SPAG5: variants seen among roughly 807,000 people sequenced by gnomAD.
The protein encoded by SPAG5 is sperm-associated antigen 5.
SPAG5 carries 99 observed loss-of-function variants against 145.4 expected under a neutral mutation model. The ratio of observed to expected loss-of-function variants is 0.68; its 90% CI spans 0.58 to 0.80. The LOEUF is 0.80. Ranked by LOEUF, SPAG5 falls within the 30% of genes least tolerant of loss-of-function variation. The pLI, the probability that SPAG5 is intolerant of heterozygous loss-of-function variation, is 0.00. For synonymous variants in SPAG5, 477 were observed against 525.4 expected (o/e 0.91, Z 1.26); for missense variants, 1,192 against 1,416.0 (o/e 0.84, Z 2.54).
chr17:28,586,470 C>T lies in SPAG5; in HGVS notation c.1467G>A (p.Glu489=), dbSNP rs572929447. ...GITNKLQHLK[E]SHEMGQALQQ... ...GTAGGGCCTGTCCCATCTCATGGCT[C>T]TCCTTAAGATGCTGAAGTTTATTAG... The change falls in exon 5 of 24, where the codon GAG becomes GAA. Residue 489 remains glutamate, a synonymous_variant. Transcript: ENST00000321765. 5.0e-6 allele frequency: 8 copies of T among 1,613,902 alleles called. No homozygotes were observed. In the African/African-American group the frequency reaches 1.1e-4, roughly 22 times the overall value.
At position 28,584,412 on chromosome 17, in the gene SPAG5, T is replaced by G; in HGVS notation, c.2230A>C (p.Thr744Pro). The part of the protein sequence containing the change: ...SQLKELQSQH[T>P]HCAQDLAMKD... Reference sequence around the variant, plus strand: ...ATAGCCAGGTCCTGGGCACAATGGGTATGCTGACTCTGTAGCTCTTTTAGC... The same window carrying G: ...ATAGCCAGGTCCTGGGCACAATGGGGATGCTGACTCTGTAGCTCTTTTAGC... Residue 744 changes from threonine to proline, a missense_variant, in exon 12 of 24, where the codon ACC (threonine) becomes CCC (proline). By Grantham distance (38) the Thr-to-Pro change is conservative. Around this residue, in one of 5 missense-constraint regions of SPAG5, gnomAD observed 709 missense variants for 840.7 expected, o/e 0.84. Coordinates refer to ENST00000321765, the MANE Select transcript of SPAG5 (RefSeq NM_006461.4). The G allele has an allele frequency of 6.2e-7, 1 of 1,614,152 alleles. No individual in the cohort carries two copies.
intron 15 of SPAG5, among the ~76,000 whole-genome samples, chr17:28,580,984 T>C (rs1344608478): frequency 6.6e-6 from 1 of 152,196 alleles, no homozygotes; most frequent in Admixed American, 6.5e-5. Context: ...GAGTTCACCA[T>C]TTTCCCTGTG....
In SPAG5 at chr17:28,586,460, T is replaced by C. The variant is rs138410161; in HGVS notation, c.1477A>G (p.Met493Val). The change falls in exon 5 of 24, where the codon ATG becomes GTG. Residue 493 changes from methionine (M) to valine (V), a missense_variant. Met to Val is a conservative substitution (Grantham distance 21, BLOSUM62 1). Around this residue, in one of 5 missense-constraint regions of SPAG5, gnomAD observed 709 missense variants for 840.7 expected, o/e 0.84. Coordinates refer to ENST00000321765, the MANE Select transcript of SPAG5 (RefSeq NM_006461.4). ...KLQHLKESHEMGQALQQARNV... is the reference protein window; with the variant it reads ...KLQHLKESHEVGQALQQARNV... ...CTGGCCTGCTGTAGGGCCTGTCCCATCTCATGGCTCTCCTTAAGATGCTGA... is the reference window on the plus strand; with the variant it reads ...CTGGCCTGCTGTAGGGCCTGTCCCACCTCATGGCTCTCCTTAAGATGCTGA... 5.7e-5 allele frequency: 92 copies of C among 1,614,006 alleles called. No individual in the cohort carries two copies. The African/African-American group carries it at 1.2e-3, about 21-fold the overall frequency.
chr17:28,598,793 C>T, intron 1 of SPAG5, 103 bp downstream of exon 1: 2 of 1,530,134 alleles, frequency 1.3e-6, no homozygotes, highest in Non-Finnish European at 1.8e-6. Flanking sequence ...TCCACAAGCC[C>T]CCAACCCCGG....
intron 15 of SPAG5, 82 bp from the exon 16 acceptor site, chr17:28,580,202 C>A: frequency 1.2e-6 from 1 of 816,282 alleles, no homozygotes; most frequent in Non-Finnish European, 1.9e-6. Flanking sequence ...CCATCTCCTC[C>A]AAAATGCTGT....
chr17:28,580,393 AGAAAG>A (rs1020884291), intron 15 of SPAG5: 9 of 204,694 alleles, frequency 4.4e-5, no homozygotes, highest in African/African-American at 1.4e-4. Context: ...TTTTCTAGAA[AGAAAG>A]GAAAGAAAGA....
rs1407999187 is a variant in SPAG5, at chr17:28,578,679, T to C, written c.3191A>G (p.Glu1064Gly). ...GCATGATGGTGAACATACTATGAGC[T>C]CGCCACTCTTGTCTATCTGTTCTAG... ...KILEQIDKSGELISLREEVTH... is the reference protein window; with the variant it reads ...KILEQIDKSGGLISLREEVTH... The change falls in exon 20 of 24, where the codon GAG becomes GGG. Residue 1064 changes from glutamate (E) to glycine (G), a missense_variant. Physicochemically the swap from Glu to Gly is moderately conservative, Grantham distance 98. Transcript: ENST00000321765. 1.9e-6 allele frequency: 3 copies of C among 1,613,938 alleles called. No homozygotes were observed. In the South Asian group the frequency reaches 3.3e-5, roughly 18 times the overall value.
chr17:28,584,119 C>T (rs1332747649), intron 13 of SPAG5, 31 bp downstream of exon 13: 2 of 1,612,062 alleles, frequency 1.2e-6, no homozygotes, highest in Admixed American at 1.7e-5. Flanking sequence ...TGAGGCTTAC[C>T]AGCTCCCTTG....
At position 28,586,149 on chromosome 17, in the gene SPAG5, A is replaced by G; in HGVS notation, c.1546T>C (p.Ser516Pro). The change falls in exon 6 of 24, where the codon TCC (serine) becomes CCC (proline). Residue 516 changes from serine (S) to proline (P), a missense_variant. Ser to Pro is a moderately conservative substitution (Grantham distance 74). Coordinates refer to ENST00000321765, the MANE Select transcript of SPAG5 (RefSeq NM_006461.4). The part of the protein sequence containing the change: ...SWVLISKELI[S>P]LLHLSLLHLE... ...TGCAACAGGGATAGGTGAAGCAAGG[A>G]TATCAGCTCTTTAGAGATAAGCACC... 3 of 1,614,178 alleles carry G rather than the reference A, an allele frequency of 1.9e-6. No individual in the cohort carries two copies. The highest frequency in any genetic ancestry group is 2.2e-5 in the South Asian group (2 of 91,080).
rs2070690206 is a variant in SPAG5, at chr17:28,598,966, C to G, written c.-20G>C. 1.9e-6 allele frequency: 3 copies of G among 1,613,220 alleles called. No individual in the cohort carries two copies. The highest frequency in any genetic ancestry group is 1.7e-6 in the Non-Finnish European group (2 of 1,179,230). On this transcript the variant is annotated 5_prime_UTR_variant, in exon 1 of 24. Coordinates refer to ENST00000321765, the MANE Select transcript of SPAG5 (RefSeq NM_006461.4). ...CCACATCTTCAACCAGAAGGCAGGC[C>G]TATCACGTCTCAGACCAAGTCGAGG... is the stretch of plus-strand genomic sequence containing the variant.
Position 28,583,820 on chromosome 17 carries a change from T to C in SPAG5, c.2546+33A>G, listed in dbSNP as rs201435477. ...GTGTTCCTGAGAAAAAAATAAGCAC[T>C]TAGGGGGAAGTACAGAAAGTTAGAG... On this transcript the variant is annotated intron_variant, in intron 14 of 23. Transcript: ENST00000321765. 8.5e-5 allele frequency: 136 copies of C among 1,592,736 alleles called. No homozygotes were observed. In the East Asian group the frequency reaches 2.0e-3, roughly 23 times the overall value.
Position 28,585,183 on chromosome 17 carries a change from G to A in SPAG5, c.1986C>T (p.Ser662=), listed in dbSNP as rs2151520718. The A allele has an allele frequency of 2.5e-6, 4 of 1,614,202 alleles. No homozygotes were observed. The East Asian group carries it at 8.9e-5, about 36-fold the overall frequency. The change falls in exon 10 of 24, where the codon TCC becomes TCT. Residue 662 remains serine (S), a synonymous_variant. Coordinates refer to ENST00000321765, the MANE Select transcript of SPAG5 (RefSeq NM_006461.4). The part of the protein sequence containing the change: ...YTTWTALLSR[S]RQLTEKLTVK... Reference sequence around the variant, plus strand: ...CTGTGAGTTTCTCTGTGAGTTGTCGGGACCGACTCAGCAAAGCTGTCCATG... The same window carrying A: ...CTGTGAGTTTCTCTGTGAGTTGTCGAGACCGACTCAGCAAAGCTGTCCATG...
At chr17:28,596,917 C>G (rs2070669314) in intron 2 of SPAG5, among the ~76,000 whole-genome samples, 2 of 150,494 alleles carry the variant, frequency 1.3e-5, no homozygotes, top group Admixed American at 1.3e-4. Context: ...ACCAGCCTGA[C>G]CAACATGGAG....
Position 28,592,114 on chromosome 17 carries a change from G to A in SPAG5, c.1130C>T (p.Thr377Ile), listed in dbSNP as rs563375286. Reference sequence around the variant, plus strand: ...CCCCACCGAGCAAGTAGAGAAAGGGGTAGTGCCAATTGCAGCATCCCGAAG... The same window carrying A: ...CCCCACCGAGCAAGTAGAGAAAGGGATAGTGCCAATTGCAGCATCCCGAAG... ...SMLRDAAIGT[T>I]PFSTCSVGTW... Residue 377 changes from threonine (T) to isoleucine (I), a missense_variant, in exon 3 of 24, where the codon ACC becomes ATC. Around this residue, in one of 5 missense-constraint regions of SPAG5, gnomAD observed 125 missense variants for 143.8 expected, o/e 0.87. Transcript: ENST00000321765. The A allele has an allele frequency of 1.1e-5, 17 of 1,614,194 alleles. No individual in the cohort carries two copies. Among genetic ancestry groups the A allele is most frequent in the Middle Eastern group, 1.6e-4 (1 of 6,062 alleles).
chr17:28,585,225 G>T lies in SPAG5; in HGVS notation c.1954-10C>A. On this transcript the variant is annotated splice_polypyrimidine_tract_variant and intron_variant, in intron 9 of 23. Transcript: ENST00000321765. ...CTGTCCATGTTGTATACTACCAGGG[G>T]AAGCAAGCAGGTCAGTAGAGCACAC... is the stretch of plus-strand genomic sequence containing the variant. 6.2e-7 allele frequency: 1 copy of T among 1,613,614 alleles called. No homozygotes were observed. The highest frequency in any genetic ancestry group is 8.5e-7 in the Non-Finnish European group (1 of 1,179,498).
At position 28,592,326 on chromosome 17, in the gene SPAG5, T is replaced by C. The variant is rs113667723; in HGVS notation, c.918A>G (p.Thr306=). 0.01 allele frequency: 16,636 copies of C among 1,614,152 alleles called. 117 individuals carry two copies. The highest frequency in any genetic ancestry group is 0.012 in the Non-Finnish European group (13,995 of 1,180,016). The part of the protein sequence containing the change: ...LVSSVEDILS[T]CLTPNLVEME... ...TTTCTACTAGATTTGGTGTCAGGCA[T>C]GTGGACAGAATATCTTCCACACTTG... Residue 306 remains threonine (T), a synonymous_variant, in exon 3 of 24, where the codon ACA becomes ACG. Transcript: ENST00000321765.
chr17:28,590,868 C>CAAAAA (rs60727111), intron 4 of SPAG5, among the ~76,000 whole-genome samples: 1 of 37,424 alleles, frequency 2.7e-5, no homozygotes, highest in Non-Finnish European at 4.9e-5. Flanking sequence ...GACTCCGTCT[C>CAAAAA]AAAAAAAAAA....
rs772080842 is a variant in SPAG5 at position 28,579,149 on chromosome 17, G to A, written c.3109C>T (p.Arg1037Cys). The A allele has an allele frequency of 1.2e-5, 20 of 1,612,260 alleles. No homozygotes were observed. The highest frequency in any genetic ancestry group is 8.0e-5 in the African/African-American group (6 of 74,884). Residue 1037 changes from arginine to cysteine, a missense_variant, in exon 19 of 24, where the codon CGC becomes TGC. This residue lies in a region of SPAG5 where 709 missense variants were observed against 840.7 expected (regional missense o/e 0.84). Transcript: ENST00000321765. ...CTAGGTCCCTCCTTCACCTTGTAGC[G>A]CAAGCACAAGGCCTGGTTCAGCTTC... ...IEKLNQALCLRYKNEKELQEV... is the reference protein window; with the variant it reads ...IEKLNQALCLCYKNEKELQEV...
intron 19 of SPAG5, 147 bp from the exon 20 acceptor site, chr17:28,578,899 G>C: frequency 1.3e-6 from 1 of 747,198 alleles, no homozygotes; most frequent in South Asian, 1.6e-5. Context: ...GGCCAAGCCA[G>C]GCAAGGCACA....
Sources: allele counts gnomAD v4.1 joint callset (sites outside exome capture counted in the v4.1 genomes callset), GRCh38; gene constraint gnomAD v4.1.1; regional missense constraint gnomAD v4.1.1; transcripts MANE v1.5; gene names NCBI Gene and HGNC (gene_info 2026-07-23, HGNC 2026-07-21).